The following DOCK8 variants were observed in gnomAD, a reference collection of about 807,000 sequenced individuals.
DOCK8 encodes dedicator of cytokinesis protein 8.
Under a neutral mutation model 245.6 loss-of-function variants are expected in DOCK8, and 141 were observed. The observed-to-expected ratio is 0.57, with a 90% confidence interval of 0.50 to 0.66. DOCK8 has a LOEUF of 0.66. DOCK8 is among the 30% of genes least tolerant of loss of function. DOCK8 has a pLI of 0.00. For missense variants in DOCK8, 2,965 were observed against 2,603.4 expected (o/e 1.14, Z -3.02); for synonymous variants, 1,168 against 970.2 (o/e 1.20, Z -3.79).
At chr9:271,089 G>A in intron 1 of DOCK8, among the ~76,000 whole-genome samples, 1 of 152,212 alleles carries the variant, frequency 6.6e-6, no homozygotes, top group Non-Finnish European at 1.5e-5. Flanking sequence ...ACTAGGAGCA[G>A]TTGGGAAAAA....
At position 433,880 on chromosome 9, in the gene DOCK8, G is replaced by A. The variant is rs762934294; in HGVS notation, c.4791G>A (p.Glu1597=). The A allele has an allele frequency of 1.1e-5, 18 of 1,613,534 alleles. No individual in the cohort carries two copies. The highest frequency in any genetic ancestry group is 1.5e-5 in the Non-Finnish European group (18 of 1,179,622). ...GAGGCTTACACTTTTTGCAGGTGGA[G>A]GAACTTCTCTGTAATCTGAATAGCA... is the stretch of plus-strand genomic sequence containing the variant. ...MQMTPFPTQV[E]ELLCNLNSIL... Residue 1597 remains glutamate (E), a synonymous_variant, in exon 38 of 48, where the codon GAG becomes GAA. Transcript: ENST00000432829.
At chr9:374,167 A>C (rs1157385900) in intron 18 of DOCK8, among the ~76,000 whole-genome samples, 1 of 152,210 alleles carries the variant, frequency 6.6e-6, no homozygotes, top group African/African-American at 2.4e-5. Flanking sequence ...CCTTTTTCTT[A>C]CTTGCGCTAT....
At chr9:365,738 G>A in intron 14 of DOCK8, 1 of 430,920 alleles carries the variant, frequency 2.3e-6, no homozygotes, top group South Asian at 1.7e-5. Flanking sequence ...TCAGCTCTCT[G>A]CCTCCAGAGA....
intron 1 of DOCK8, among the ~76,000 whole-genome samples, chr9:255,554 G>A (rs1328177511): frequency 6.6e-6 from 1 of 151,240 alleles, no homozygotes; most frequent in Non-Finnish European, 1.5e-5. Context: ...TGTTGTCCCA[G>A]CTACTCGAGA....
chr9:363,625 C>G (rs575935635), intron 14 of DOCK8, among the ~76,000 whole-genome samples: 1 of 152,154 alleles, frequency 6.6e-6, no homozygotes, highest in African/African-American at 2.4e-5. Context: ...AAATTCCAGG[C>G]AAACTCATTT....
chr9:428,601 G>C, intron 35 of DOCK8, 105 bp downstream of exon 35: 1 of 1,413,554 alleles, frequency 7.1e-7, no homozygotes, highest in Non-Finnish European at 9.9e-7. Context: ...AGCATATTAA[G>C]TGGCATCACA....
intron 14 of DOCK8, among the ~76,000 whole-genome samples, chr9:342,424 G>C (rs35504021): frequency 6.6e-6 from 1 of 150,514 alleles, no homozygotes; most frequent in Non-Finnish European, 1.5e-5. Flanking sequence ...GGAAATATCA[G>C]TATTGATTCA....
intron 10 of DOCK8, among the ~76,000 whole-genome samples, chr9:333,518 T>G (rs1201284805): frequency 2.6e-5 from 4 of 152,018 alleles, no homozygotes; most frequent in African/African-American, 9.7e-5. Context: ...GGAGAATAGC[T>G]TGAACCTGGG....
At chr9:319,123 C>T (rs2050472495) in intron 7 of DOCK8, among the ~76,000 whole-genome samples, 1 of 151,956 alleles carries the variant, frequency 6.6e-6, no homozygotes, top group Non-Finnish European at 1.5e-5. Flanking sequence ...ATAGTGAGAC[C>T]CCCTCTCTAC....
chr9:325,078 C>G (rs1586701860), intron 7 of DOCK8, among the ~76,000 whole-genome samples: 2 of 152,182 alleles, frequency 1.3e-5, no homozygotes, highest in African/African-American at 2.4e-5. Flanking sequence ...GGTTTCCATT[C>G]CTGAGTTACT....
intron 26 of DOCK8, among the ~76,000 whole-genome samples, chr9:400,145 C>A (rs1378846761): frequency 1.3e-5 from 1 of 79,474 alleles, no homozygotes; most frequent in Non-Finnish European, 2.2e-5. Flanking sequence ...ACCACCACCT[C>A]CACCATCACC....
chr9:294,870 C>G (rs1013104621), intron 4 of DOCK8, among the ~76,000 whole-genome samples: 1 of 152,116 alleles, frequency 6.6e-6, no homozygotes, highest in Admixed American at 6.6e-5. Context: ...TGAAAGAAGC[C>G]AGACAAAGGC....
chr9:440,209 A>G (rs1003597407), intron 40 of DOCK8, among the ~76,000 whole-genome samples: 36 of 152,090 alleles, frequency 2.4e-4, no homozygotes, highest in African/African-American at 8.2e-4. Flanking sequence ...TAGAGGAGAC[A>G]GGATTTCACC....
At chr9:276,264 C>T (rs921684135) in intron 2 of DOCK8, among the ~76,000 whole-genome samples, 2 of 152,120 alleles carry the variant, frequency 1.3e-5, no homozygotes, top group African/African-American at 4.8e-5. Context: ...ACTTATTTTG[C>T]CCTGTGTGCT....
intron 40 of DOCK8, among the ~76,000 whole-genome samples, chr9:439,798 G>C (rs1046087511): frequency 1.3e-5 from 2 of 152,122 alleles, no homozygotes; most frequent in South Asian, 4.1e-4. Context: ...ACTGGGAGGA[G>C]AGAGGAGGAA....
At chr9:348,279 C>T (rs1172093793) in intron 14 of DOCK8, among the ~76,000 whole-genome samples, 1 of 152,128 alleles carries the variant, frequency 6.6e-6, no homozygotes, top group Non-Finnish European at 1.5e-5. Context: ...CATATGTAAA[C>T]CACAGAATGT....
intron 5 of DOCK8, among the ~76,000 whole-genome samples, chr9:310,306 A>G (rs2050039031): frequency 6.6e-6 from 1 of 151,744 alleles, no homozygotes. Context: ...TGGCTTTATT[A>G]AATACACTTT....
At chr9:243,485 A>G (rs2047426021) in intron 1 of DOCK8, among the ~76,000 whole-genome samples, 1 of 152,152 alleles carries the variant, frequency 6.6e-6, no homozygotes, top group Non-Finnish European at 1.5e-5. Context: ...TGCAAAGTGG[A>G]AAGATCAATT....
At chr9:348,094 G>A (rs35018419) in intron 14 of DOCK8, among the ~76,000 whole-genome samples, 20,808 of 152,126 alleles carry the variant, frequency 0.14, 1,825 homozygotes, top group Non-Finnish European at 0.2. Context: ...TAGCCTGTCA[G>A]TTTCTGCCTC....
Sources: allele counts gnomAD v4.1 joint callset (sites outside exome capture counted in the v4.1 genomes callset), GRCh38; gene constraint gnomAD v4.1.1; transcripts MANE v1.5; gene names NCBI Gene and HGNC (gene_info 2026-07-23, HGNC 2026-07-21).